Variants in FRMPD4 observed in about 807,000 individuals in gnomAD.
FRMPD4 encodes the protein FERM and PDZ domain-containing protein 4.
Under a neutral mutation model 94.1 loss-of-function variants are expected in FRMPD4, and 22 were observed. The observed-to-expected ratio is 0.23, with a 90% CI of 0.17 to 0.33. The LOEUF is 0.33. Ranked by LOEUF, FRMPD4 falls within the 10% of genes least tolerant of loss-of-function variation. FRMPD4 has a pLI of 1.00. For missense variants in FRMPD4, 1,111 were observed against 1,339.9 expected, an observed-to-expected ratio of 0.83 and a Z score of 2.67; for synonymous variants, 631 against 548.6, an observed-to-expected ratio of 1.15 and a Z score of -2.10.
In FRMPD4 at chrX:12,331,668, AT is replaced by A. The variant is rs1244477787; in HGVS notation, c.42-167011del. ...AATTATATATTTATATAATATATAA[AT>A]ATATAAATTATATATTTATATAATA... On this transcript the variant is annotated intron_variant, in intron 1 of 16. Transcript: ENST00000675598. Among the ~76,000 whole-genome samples the A allele has an allele frequency of 1.5e-3, 117 of 75,710 alleles. 4 individuals carry two copies. Among genetic ancestry groups the A allele is most frequent in the African/African-American group, 6.1e-3 (114 of 18,548 alleles). The allele number at this position is 75,710 out of a possible 115,157, so 65.7% of individuals were successfully genotyped here.
At chrX:12,189,220 A>C (rs1363381725) in intron 1 of FRMPD4, among the ~76,000 whole-genome samples, 1 of 111,803 alleles carries the variant, frequency 8.9e-6, no homozygotes, top group Non-Finnish European at 1.9e-5. Flanking sequence ...AAACTCATAC[A>C]AGAAAAAATA....
chrX:12,545,618 G>C (rs749317711), intron 2 of FRMPD4, among the ~76,000 whole-genome samples: 23 of 112,845 alleles, frequency 2.0e-4, no homozygotes, highest in Non-Finnish European at 3.9e-4. Context: ...TTGCCAGGCT[G>C]GGGGGATGGG....
chrX:11,902,003 CT>C (rs768136898), intron 3 of FRMPD4, among the ~76,000 whole-genome samples: 38 of 111,629 alleles, frequency 3.4e-4, no homozygotes, highest in Non-Finnish European at 6.6e-4. Context: ...GATATTAGTC[CT>C]TTGTTGAATG....
chrX:11,859,616 T>C (rs1426313323), intron 1 of FRMPD4, among the ~76,000 whole-genome samples: 1 of 112,320 alleles, frequency 8.9e-6, no homozygotes, highest in Non-Finnish European at 1.9e-5. Flanking sequence ...TTTATAACTA[T>C]TTTAGAAATA....
At chrX:12,232,192 C>G (rs1314536672) in intron 1 of FRMPD4, among the ~76,000 whole-genome samples, 3 of 111,443 alleles carry the variant, frequency 2.7e-5, no homozygotes, top group African/African-American at 9.8e-5. Flanking sequence ...CCTCCTTCTC[C>G]CCGATGCTTT....
chrX:12,094,730 T>A lies in FRMPD4; in HGVS notation c.95+216712T>A, dbSNP rs193272422. Among the ~76,000 whole-genome samples the A allele has an allele frequency of 3.1e-4, 35 of 112,538 alleles. 1 individual carries two copies. The East Asian group carries it at 8.1e-3, about 26-fold the overall frequency. ...AGTTTTCTCATTGATAACACAGACA[T>A]GACCGACATGCTCACCTACTAGCAT... On this transcript the variant is annotated intron_variant, in intron 3 of 18. Transcript: ENST00000640291.
At chrX:11,926,070 C>T (rs1263133152) in intron 3 of FRMPD4, among the ~76,000 whole-genome samples, 2 of 109,957 alleles carry the variant, frequency 1.8e-5, no homozygotes, top group African/African-American at 3.3e-5. Flanking sequence ...CCACTGACCC[C>T]ACTGAAATAC....
At chrX:12,299,323 G>T (rs1266454293) in intron 1 of FRMPD4, among the ~76,000 whole-genome samples, 2 of 108,266 alleles carry the variant, frequency 1.8e-5, no homozygotes, top group African/African-American at 7.1e-5. Context: ...GGAAGAGGAA[G>T]AAGAAGAAGA....
intron 14 of FRMPD4, among the ~76,000 whole-genome samples, chrX:12,710,810 G>A (rs1288089831): frequency 9.0e-6 from 1 of 110,872 alleles, no homozygotes; most frequent in Non-Finnish European, 1.9e-5. Flanking sequence ...GGAGGCTGAG[G>A]CAGGAGAATC....
At chrX:12,310,782 A>C (rs2055019339) in intron 1 of FRMPD4, among the ~76,000 whole-genome samples, 1 of 112,198 alleles carries the variant, frequency 8.9e-6, no homozygotes, top group Non-Finnish European at 1.9e-5. Context: ...GCAGGCAAGA[A>C]AATCAATGAT....
chrX:12,179,886 T>TA (rs1555930043), intron 1 of FRMPD4, among the ~76,000 whole-genome samples: 20,104 of 108,522 alleles, frequency 0.19, 1,815 homozygotes, highest in East Asian at 0.61. Context: ...TTTTTTTTTT[T>TA]AAAGTATATT....
At chrX:12,132,298 A>C (rs861386) in intron 3 of FRMPD4, among the ~76,000 whole-genome samples, 27,306 of 110,377 alleles carry the variant, frequency 0.25, 3,480 homozygotes, top group East Asian at 0.58. Flanking sequence ...AAAAGGATGA[A>C]ATTGGCATTA....
Position 12,716,714 on chromosome X carries a change from A to G in FRMPD4, c.2255A>G (p.Asp752Gly). The part of the protein sequence containing the change: ...AENTDDAEDE[D>G]EVSCEEDLVV... ...AACACTGATGACGCGGAGGACGAGG[A>G]CGAGGTGAGCTGCGAGGAGGACCTC... Residue 752 changes from aspartate to glycine, a missense_variant, in exon 15 of 17, where the codon GAC becomes GGC. Asp to Gly is a moderately conservative substitution (Grantham distance 94). Transcript: ENST00000675598. The G allele has an allele frequency of 1.8e-5, 22 of 1,211,770 alleles. No individual in the cohort carries two copies. The highest frequency in any genetic ancestry group is 2.3e-5 in the Non-Finnish European group (21 of 895,371).
At chrX:11,849,593 G>A (rs1226883448) in intron 1 of FRMPD4, among the ~76,000 whole-genome samples, 1 of 110,122 alleles carries the variant, frequency 9.1e-6, no homozygotes, top group East Asian at 2.8e-4. Flanking sequence ...GAATAGAATA[G>A]AGAGCCCAAA....
At chrX:11,991,908 G>A (rs546617424) in intron 3 of FRMPD4, among the ~76,000 whole-genome samples, 6 of 112,054 alleles carry the variant, frequency 5.4e-5, no homozygotes, top group African/African-American at 9.7e-5. Flanking sequence ...CAGCGACTCC[G>A]AAGAGCTGAG....
chrX:12,662,693 T>G (rs2059729913), intron 4 of FRMPD4, among the ~76,000 whole-genome samples: 1 of 112,440 alleles, frequency 8.9e-6, no homozygotes, highest in Non-Finnish European at 1.9e-5. Flanking sequence ...GTAGAATGAT[T>G]TATAATCCTT....
chrX:11,845,701 C>T (rs1227600623), intron 1 of FRMPD4, among the ~76,000 whole-genome samples: 1 of 110,655 alleles, frequency 9.0e-6, no homozygotes, highest in African/African-American at 3.3e-5. Context: ...GGGCTTCATC[C>T]CTGGGATGCA....
intron 1 of FRMPD4, among the ~76,000 whole-genome samples, chrX:12,400,869 C>A (rs1179157804): frequency 8.9e-6 from 1 of 111,937 alleles, no homozygotes; most frequent in Non-Finnish European, 1.9e-5. Context: ...TACACAAAAT[C>A]CTGAAACTCA....
At chrX:12,136,757 G>A (rs1305897511), upstream of FRMPD4, among the ~76,000 whole-genome samples, 5 of 110,396 alleles carry the variant, frequency 4.5e-5, no homozygotes, top group Admixed American at 2.9e-4. Context: ...TAATAGTTGA[G>A]GTAAGAAAGA....
Sources: gnomAD v4.1 joint callset for allele counts (sites outside exome capture counted in the v4.1 genomes callset) on GRCh38, gnomAD v4.1.1 for gene constraint, MANE v1.5 for transcripts, NCBI Gene and HGNC (gene_info 2026-07-23, HGNC 2026-07-21) for gene names.